Variants in ZNF385D observed in about 807,000 individuals in gnomAD.
ZNF385D encodes zinc finger protein 385D.
In ZNF385D, 15 loss-of-function variants were observed where a neutral mutation model predicts 35.8. The ratio of observed to expected loss-of-function variants is 0.42; its 90% confidence interval spans 0.28 to 0.64. ZNF385D has a LOEUF of 0.64. ZNF385D is among the 30% of genes least tolerant of loss of function. ZNF385D has a pLI of 0.23. For synonymous variants in ZNF385D, 212 were observed against 186.8 expected (o/e 1.13, Z -1.10); for missense variants, 474 against 494.6 (o/e 0.96, Z 0.39).
At chr3:21,882,502 T>C (rs1426092833) in intron 3 of ZNF385D, among the ~76,000 whole-genome samples, 3 of 152,034 alleles carry the variant, frequency 2.0e-5, no homozygotes, top group African/African-American at 7.2e-5. Context: ...TTATATGCAC[T>C]AGAAAACAAA....
chr3:21,606,110 G>C (rs1157932469), intron 2 of ZNF385D, among the ~76,000 whole-genome samples: 1 of 152,246 alleles, frequency 6.6e-6, no homozygotes, highest in East Asian at 1.9e-4. Flanking sequence ...CTGAGGGACT[G>C]AGATGAGAGA....
intron 3 of ZNF385D, among the ~76,000 whole-genome samples, chr3:21,863,021 T>A (rs1400873622): frequency 6.6e-6 from 1 of 152,136 alleles, no homozygotes; most frequent in Non-Finnish European, 1.5e-5. Flanking sequence ...TGTGAAAATA[T>A]ATGCAAATAC....
chr3:21,489,000 C>T (rs1245900395), intron 4 of ZNF385D, among the ~76,000 whole-genome samples: 1 of 152,098 alleles, frequency 6.6e-6, no homozygotes, highest in Non-Finnish European at 1.5e-5. Flanking sequence ...CAGTTAGAGT[C>T]TATTAATAAA....
chr3:22,267,725 T>G (rs1034727197), intron 2 of ZNF385D, among the ~76,000 whole-genome samples: 1 of 151,966 alleles, frequency 6.6e-6, no homozygotes. Flanking sequence ...GTTAGAATGA[T>G]GCGTATACAA....
In ZNF385D at chr3:21,579,902, G is replaced by C. The variant is rs547176436; in HGVS notation, c.166-15218C>G. ...CTTTTATAAGGCTACCAATCATATC[G>C]AATTACCCTAATGACCTCATTTTAA... On this transcript the variant is annotated intron_variant, in intron 2 of 7. Transcript: ENST00000281523. The C allele has an allele frequency of 2.0e-5, 3 of 151,744 alleles. 1 individual carries two copies. The South Asian group carries it at 6.3e-4, about 32-fold the overall frequency. 9.4% of individuals were successfully genotyped at this position (151,744 alleles called of 1,614,324 possible).
chr3:21,829,585 T>C (rs1694860402), intron 3 of ZNF385D, among the ~76,000 whole-genome samples: 1 of 151,798 alleles, frequency 6.6e-6, no homozygotes, highest in African/African-American at 2.4e-5. Flanking sequence ...TATGATACGA[T>C]TTAGCCTTCG....
intron 5 of ZNF385D, among the ~76,000 whole-genome samples, chr3:21,430,495 T>C (rs1043112799): frequency 6.6e-6 from 1 of 152,208 alleles, no homozygotes. Flanking sequence ...GGAAGAGCTC[T>C]GCAGGCTGAG....
intron 5 of ZNF385D, among the ~76,000 whole-genome samples, chr3:21,433,403 C>T (rs1017841428): frequency 2.6e-5 from 4 of 152,140 alleles, no homozygotes; most frequent in African/African-American, 4.8e-5. Flanking sequence ...AACTATTATT[C>T]GGATGCAAGG....
chr3:22,371,104 A>C (rs1317008087), intron 2 of ZNF385D, among the ~76,000 whole-genome samples: 2 of 152,226 alleles, frequency 1.3e-5, no homozygotes, highest in Non-Finnish European at 2.9e-5. Flanking sequence ...GCTGTGTTGC[A>C]TCAATCTACA....
intron 3 of ZNF385D, among the ~76,000 whole-genome samples, chr3:22,128,923 C>G (rs1056748128): frequency 1.3e-5 from 2 of 152,086 alleles, no homozygotes; most frequent in Admixed American, 1.3e-4. Context: ...GGTATTTATT[C>G]TAATATTTGC....
Position 22,365,655 on chromosome 3 carries a change from A to C in ZNF385D, c.106+6795T>G, listed in dbSNP as rs79540862. ...AGACTTTGGGGAATTCAAAGGTACA[A>C]GAAAACAAGAATGGTTATTACTAAT... On this transcript the variant is annotated intron_variant, in intron 2 of 5. Coordinates refer to the ZNF385D transcript ENST00000494108. Among the ~76,000 whole-genome samples, 460 of 152,276 alleles carry C rather than the reference A, an allele frequency of 3.0e-3. 1 individual carries two copies. Among genetic ancestry groups the C allele is most frequent in the African/African-American group, 0.01 (435 of 41,574 alleles).
At chr3:22,260,129 TC>T (rs1700546725) in intron 2 of ZNF385D, among the ~76,000 whole-genome samples, 1 of 152,154 alleles carries the variant, frequency 6.6e-6, no homozygotes, top group Admixed American at 6.6e-5. Context: ...ATTCAGGCTT[TC>T]CTTAAGGAAA....
chr3:21,971,482 C>T (rs1337257435), intron 3 of ZNF385D, among the ~76,000 whole-genome samples: 1 of 150,528 alleles, frequency 6.6e-6, no homozygotes, highest in Non-Finnish European at 1.5e-5. Context: ...ATAATGGATA[C>T]ACAAAAATAA....
chr3:21,756,431 C>A (rs2070345017), intron 3 of ZNF385D, among the ~76,000 whole-genome samples: 1 of 151,870 alleles, frequency 6.6e-6, no homozygotes, highest in South Asian at 2.1e-4. Flanking sequence ...AGTGTAGGGG[C>A]ATGTCTGGTT....
At chr3:21,812,325 C>A (rs914397362) in intron 3 of ZNF385D, among the ~76,000 whole-genome samples, 15 of 152,216 alleles carry the variant, frequency 9.9e-5, no homozygotes, top group Admixed American at 3.9e-4. Flanking sequence ...AACTGAGGTA[C>A]CTGGTTCATC....
intron 3 of ZNF385D, among the ~76,000 whole-genome samples, chr3:22,088,297 G>A (rs1420147661): frequency 1.3e-5 from 2 of 152,122 alleles, no homozygotes; most frequent in Non-Finnish European, 2.9e-5. Flanking sequence ...AAACATGAGA[G>A]GGCTCTAAAT....
intron 3 of ZNF385D, among the ~76,000 whole-genome samples, chr3:21,897,018 T>C (rs1699172934): frequency 6.6e-6 from 1 of 152,152 alleles, no homozygotes; most frequent in African/African-American, 2.4e-5. Context: ...ATATTGGTAG[T>C]CCTTGAAAGG....
chr3:21,562,548 A>C (rs2062989087), intron 3 of ZNF385D, among the ~76,000 whole-genome samples: 1 of 152,144 alleles, frequency 6.6e-6, no homozygotes, highest in South Asian at 2.1e-4. Flanking sequence ...AGTTTAAAAG[A>C]AGTGTGCTTA....
Position 22,181,449 on chromosome 3 carries a change from C to G in ZNF385D, c.107-12414G>C, listed in dbSNP as rs990561656. 5.3e-5 allele frequency among the ~76,000 whole-genome samples: 8 copies of G among 152,102 alleles called. No individual in the cohort carries two copies. In the East Asian group the frequency reaches 1.6e-3, roughly 30 times the overall value. Reference sequence around the variant, plus strand: ...CGGTGTCTCAAGCCTGTAATCCCAGCACTTTGGGAGGCCGAGGCGGGCGGA... The same window carrying G: ...CGGTGTCTCAAGCCTGTAATCCCAGGACTTTGGGAGGCCGAGGCGGGCGGA... On this transcript the variant is annotated intron_variant, in intron 2 of 5. Transcript: ENST00000494108.
Sources: gnomAD v4.1 joint callset for allele counts (sites outside exome capture counted in the v4.1 genomes callset) on GRCh38, gnomAD v4.1.1 for gene constraint, MANE v1.5 for transcripts, NCBI Gene and HGNC (gene_info 2026-07-23, HGNC 2026-07-21) for gene names.